The following RYR2 variants were observed in gnomAD, a reference collection of about 807,000 sequenced individuals.
RYR2 encodes the protein ryanodine receptor 2, also known as cardiac muscle ryanodine receptor-calcium release channel.
RYR2 carries 227 observed loss-of-function variants against 601.1 expected under a neutral mutation model. The ratio of observed to expected loss-of-function variants is 0.38; its 90% CI spans 0.34 to 0.42. RYR2 has a LOEUF of 0.42. RYR2 is among the 10% of genes least tolerant of loss of function. The probability of loss-of-function intolerance (pLI) is 1.00; values close to 1 mark genes in which losing one functional copy is unlikely to be tolerated. For missense variants in RYR2, 4,646 were observed against 6,156.5 expected (o/e 0.75, Z 8.21); for synonymous variants, 2,223 against 2,175.1 (o/e 1.02, Z -0.61).
At chr1:237,288,574 G>T (rs955709808) in intron 2 of RYR2, among the ~76,000 whole-genome samples, 7 of 151,994 alleles carry the variant, frequency 4.6e-5, no homozygotes, top group African/African-American at 9.7e-5. Context: ...GAGTCATGCA[G>T]GTTGTCAGGG....
intron 12 of RYR2, among the ~76,000 whole-genome samples, chr1:237,433,691 GA>G (rs1433511858): frequency 2.6e-5 from 4 of 152,112 alleles, no homozygotes; most frequent in Admixed American, 2.6e-4. Flanking sequence ...CTGGTAGGTT[GA>G]AAATTCTTGC....
chr1:237,193,805 A>G (rs753073947), intron 1 of RYR2, among the ~76,000 whole-genome samples: 1 of 152,218 alleles, frequency 6.6e-6, no homozygotes, highest in Non-Finnish European at 1.5e-5. Context: ...AAACAAAAAT[A>G]TTGATAGCAA....
rs1343502629 is a variant in RYR2 at position 237,730,297 on chromosome 1, A to G, written c.10876A>G (p.Lys3626Glu). 5.0e-6 allele frequency: 8 copies of G among 1,609,450 alleles called. No homozygotes were observed. In the Admixed American group the frequency reaches 8.3e-5, roughly 17 times the overall value. Residue 3626 changes from lysine to glutamate, a missense_variant, in exon 77 of 105, where the codon AAG (lysine) becomes GAG (glutamate). This residue lies in a region of RYR2 where 1,497 missense variants were observed against 1,842.6 expected (regional missense o/e 0.81). Transcript: ENST00000366574. ...AVNLFLQGYE[K>E]SWIETEEHYF... The stretch of plus-strand genomic sequence containing the variant: ...CAATCTCTTTCTTCAGGGATATGAA[A>G]AGTCTTGGATTGAAACAGAAGAACA...
At chr1:237,082,534 TATATATATATATATATATATATAA>T (rs906613301) in intron 1 of RYR2, among the ~76,000 whole-genome samples, 1,150 of 113,006 alleles carry the variant, frequency 0.01, 36 homozygotes, top group African/African-American at 0.04. Flanking sequence ...CATATATATA[TATATATATATATATATATATATAA>T]AATCGGATAT....
chr1:237,741,345 G>A (rs960358661), intron 79 of RYR2, among the ~76,000 whole-genome samples: 16 of 152,064 alleles, frequency 1.1e-4, no homozygotes, highest in Middle Eastern at 3.4e-3. Flanking sequence ...GTGTCTCACC[G>A]AATTAAAAAT....
intron 1 of RYR2, among the ~76,000 whole-genome samples, chr1:237,107,125 T>C: frequency 6.6e-6 from 1 of 152,310 alleles, no homozygotes; most frequent in Middle Eastern, 3.4e-3. Flanking sequence ...AGCATTATTA[T>C]GTTTACTAAA....
chr1:237,535,484 T>TACACATACAC (rs1553488498), intron 25 of RYR2, among the ~76,000 whole-genome samples: 143 of 144,720 alleles, frequency 9.9e-4, no homozygotes, highest in African/African-American at 2.7e-3. Context: ...CAAACACACA[T>TACACATACAC]ACACACACAC....
chr1:237,719,888 AT>A (rs1689574013), intron 73 of RYR2, among the ~76,000 whole-genome samples: 1 of 152,042 alleles, frequency 6.6e-6, no homozygotes, highest in Non-Finnish European at 1.5e-5. Flanking sequence ...TCCACATGAG[AT>A]TTGGGCAGGG....
intron 4 of RYR2, among the ~76,000 whole-genome samples, chr1:237,364,116 A>G (rs1467956067): frequency 1.3e-5 from 2 of 152,172 alleles, no homozygotes; most frequent in Admixed American, 1.3e-4. Flanking sequence ...ATGTTTTCAC[A>G]GAAAAAGGAA....
chr1:237,492,831 G>C, intron 18 of RYR2, 123 bp from the exon 19 acceptor site: 2 of 750,512 alleles, frequency 2.7e-6, no homozygotes, highest in Non-Finnish European at 4.0e-6. Context: ...CTGAAAGGAA[G>C]GAAGGAAGGA....
At chr1:237,522,208 A>G (rs1023924950) in intron 24 of RYR2, among the ~76,000 whole-genome samples, 3 of 152,100 alleles carry the variant, frequency 2.0e-5, no homozygotes, top group Admixed American at 6.6e-5. Flanking sequence ...GGGCTGTCCA[A>G]TCTTCTGGCT....
intron 1 of RYR2, among the ~76,000 whole-genome samples, chr1:237,156,950 G>C (rs1454272614): frequency 2.0e-5 from 3 of 152,156 alleles, no homozygotes; most frequent in Middle Eastern, 6.3e-3. Flanking sequence ...GTGTAAAGTA[G>C]TACAGCCACT....
At chr1:237,447,915 T>C (rs1328016241) in intron 14 of RYR2, among the ~76,000 whole-genome samples, 1 of 140,178 alleles carries the variant, frequency 7.1e-6, no homozygotes, top group Non-Finnish European at 1.5e-5. Flanking sequence ...TTCTTTCCCC[T>C]CCCCTTTCCT....
intron 29 of RYR2, among the ~76,000 whole-genome samples, chr1:237,575,459 C>T (rs1673129904): frequency 6.6e-6 from 1 of 152,072 alleles, no homozygotes; most frequent in Admixed American, 6.6e-5. Flanking sequence ...TCCTCAAGAG[C>T]CTAGTGGAGG....
At chr1:237,538,631 G>T (rs184958106) in intron 25 of RYR2, among the ~76,000 whole-genome samples, 24 of 151,610 alleles carry the variant, frequency 1.6e-4, no homozygotes, top group African/African-American at 5.3e-4. Flanking sequence ...AATTAGCTGG[G>T]CGTGGTGGCA....
At chr1:237,537,044 GA>G (rs1368171792) in intron 25 of RYR2, among the ~76,000 whole-genome samples, 1 of 152,002 alleles carries the variant, frequency 6.6e-6, no homozygotes, top group Non-Finnish European at 1.5e-5. Flanking sequence ...ACTAATCAAG[GA>G]AATGTAAATT....
At chr1:237,569,969 G>T (rs1253468615) in intron 29 of RYR2, among the ~76,000 whole-genome samples, 1 of 152,126 alleles carries the variant, frequency 6.6e-6, no homozygotes, top group African/African-American at 2.4e-5. Flanking sequence ...TGTAATCCCA[G>T]CACTTTGGGA....
At chr1:237,421,185 G>A (rs1487357734) in intron 11 of RYR2, among the ~76,000 whole-genome samples, 1 of 152,226 alleles carries the variant, frequency 6.6e-6, no homozygotes, top group Non-Finnish European at 1.5e-5. Flanking sequence ...TTTACAGTGA[G>A]CCAAGATCGC....
intron 46 of RYR2, among the ~76,000 whole-genome samples, 156 bp from the exon 47 acceptor site, chr1:237,640,741 C>T (rs1409605169): frequency 1.3e-5 from 2 of 152,094 alleles, no homozygotes; most frequent in African/African-American, 2.4e-5. Context: ...TGTTATTCTC[C>T]CTTAAAAACG....
Sources: allele counts gnomAD v4.1 joint callset (sites outside exome capture counted in the v4.1 genomes callset), GRCh38; gene constraint gnomAD v4.1.1; regional missense constraint gnomAD v4.1.1; transcripts MANE v1.5; gene names NCBI Gene and HGNC (gene_info 2026-07-23, HGNC 2026-07-21).